Variants in NUDT3 observed in about 807,000 individuals in gnomAD.
The protein encoded by NUDT3 is diphosphoinositol polyphosphate phosphohydrolase 1.
Under a neutral mutation model 23.6 loss-of-function variants are expected in NUDT3, and 9 were observed. The observed-to-expected ratio is 0.38, with a 90% confidence interval of 0.23 to 0.66. The LOEUF (loss-of-function observed/expected upper bound fraction) is 0.66, where lower values mean the gene tolerates loss of function less well. Among genes scored for constraint, NUDT3 ranks in the 30% least tolerant of loss-of-function variants. The pLI is 0.52. For missense variants in NUDT3, 172 were observed against 218.5 expected, an observed-to-expected ratio of 0.79 and a Z score of 1.34; for synonymous variants, 86 against 82.6, an observed-to-expected ratio of 1.04 and a Z score of -0.22.
intron 1 of NUDT3, among the ~76,000 whole-genome samples, chr6:34,357,481 G>A (rs1400601654): frequency 6.6e-6 from 1 of 151,950 alleles, no homozygotes; most frequent in African/African-American, 2.4e-5. Context: ...GCATGGTAGT[G>A]AGCACCTGTA....
intron 2 of NUDT3, among the ~76,000 whole-genome samples, chr6:34,301,958 T>C (rs1395047669): frequency 6.6e-6 from 1 of 152,214 alleles, no homozygotes; most frequent in African/African-American, 2.4e-5. Flanking sequence ...TCAGATTTCC[T>C]CTTAGGGGCA....
Position 34,392,332 on chromosome 6 carries a change from T to TGC in NUDT3, c.29_30dup (p.Thr11AlafsTer28). On this transcript the variant is annotated frameshift_variant, in exon 1 of 5. Coordinates refer to ENST00000607016, the MANE Select transcript of NUDT3 (RefSeq NM_006703.4). LOFTEE classifies it high-confidence loss of function. ...TTCTTGTAGCCGTCGCCGTCGTAGG[T>TGC]GCGGGTCTGGTTCGACTTGAGCTTC... 1 of 1,606,148 alleles carries TGC rather than the reference T, an allele frequency of 6.2e-7. No individual in the cohort carries two copies. Among genetic ancestry groups the TGC allele is most frequent in the Non-Finnish European group, 8.5e-7 (1 of 1,177,404 alleles).
chr6:34,289,048 C>T (rs1763377964), intron 4 of NUDT3, 117 bp from the exon 5 acceptor site: 1 of 1,286,952 alleles, frequency 7.8e-7, no homozygotes, highest in South Asian at 1.7e-5. Flanking sequence ...TTTTTCCTTA[C>T]AAAAATAACT....
chr6:34,335,205 T>A (rs1015045539), intron 2 of NUDT3, among the ~76,000 whole-genome samples: 2 of 152,152 alleles, frequency 1.3e-5, no homozygotes, highest in South Asian at 4.1e-4. Flanking sequence ...ATTTGCTATG[T>A]TGATTCATGC....
At chr6:34,305,879 A>G (rs1285415713) in intron 2 of NUDT3, among the ~76,000 whole-genome samples, 1 of 152,184 alleles carries the variant, frequency 6.6e-6, no homozygotes, top group Admixed American at 6.6e-5. Flanking sequence ...CTATCAGAGT[A>G]TATACAGTCT....
intron 2 of NUDT3, among the ~76,000 whole-genome samples, chr6:34,313,009 C>T (rs1257953392): frequency 6.6e-6 from 1 of 151,646 alleles, no homozygotes; most frequent in Non-Finnish European, 1.5e-5. Flanking sequence ...TCTACTAAAA[C>T]TACAAAAATT....
At chr6:34,357,543 G>A (rs554309769) in intron 1 of NUDT3, among the ~76,000 whole-genome samples, 2 of 152,006 alleles carry the variant, frequency 1.3e-5, no homozygotes, top group Admixed American at 6.5e-5. Flanking sequence ...GAGCCTGGGA[G>A]GCTGAGGCTG....
intron 2 of NUDT3, among the ~76,000 whole-genome samples, chr6:34,318,711 T>A (rs1763896471): frequency 6.6e-6 from 1 of 151,792 alleles, no homozygotes; most frequent in South Asian, 2.1e-4. Flanking sequence ...GAACCTCTTG[T>A]ACATGTTTCT....
chr6:34,377,092 C>T (rs1446772316), intron 1 of NUDT3, among the ~76,000 whole-genome samples: 3 of 152,130 alleles, frequency 2.0e-5, no homozygotes, highest in Admixed American at 6.5e-5. Context: ...TGAAGCACTC[C>T]GGAAGCACAG....
chr6:34,334,029 G>A (rs1041443691), intron 2 of NUDT3, among the ~76,000 whole-genome samples: 7 of 152,244 alleles, frequency 4.6e-5, no homozygotes, highest in South Asian at 4.1e-4. Context: ...GAGGGGGGCT[G>A]AGCCATTGGC....
At chr6:34,364,207 T>C (rs963769597) in intron 1 of NUDT3, among the ~76,000 whole-genome samples, 3 of 152,198 alleles carry the variant, frequency 2.0e-5, no homozygotes, top group Non-Finnish European at 4.4e-5. Context: ...TGTAACATGA[T>C]TGTAAAAAGT....
At chr6:34,302,857 T>C (rs941272706) in intron 2 of NUDT3, among the ~76,000 whole-genome samples, 95 of 152,380 alleles carry the variant, frequency 6.2e-4, no homozygotes, top group African/African-American at 2.1e-3. Flanking sequence ...TATTTCCAAA[T>C]AGCCAATGGT....
At chr6:34,339,278 A>G (rs1186027953) in intron 2 of NUDT3, among the ~76,000 whole-genome samples, 1 of 152,210 alleles carries the variant, frequency 6.6e-6, no homozygotes, top group Non-Finnish European at 1.5e-5. Context: ...ACCTGAGTTT[A>G]GGAAAAGTGC....
chr6:34,383,440 T>C (rs1413005211), intron 1 of NUDT3, among the ~76,000 whole-genome samples: 1 of 152,140 alleles, frequency 6.6e-6, no homozygotes, highest in African/African-American at 2.4e-5. Context: ...CAGGCTGGAG[T>C]GCAGTGATGC....
intron 2 of NUDT3, among the ~76,000 whole-genome samples, chr6:34,321,421 G>C (rs567933078): frequency 6.6e-6 from 1 of 152,126 alleles, no homozygotes; most frequent in Admixed American, 6.5e-5. Context: ...CTGGGCAACA[G>C]AGCGAGACTC....
At chr6:34,356,609 T>C (rs1764564816) in intron 1 of NUDT3, among the ~76,000 whole-genome samples, 1 of 152,138 alleles carries the variant, frequency 6.6e-6, no homozygotes, top group Admixed American at 6.5e-5. Context: ...CATGAGTTTA[T>C]ACTAATAATT....
At chr6:34,318,181 T>A (rs983618512) in intron 2 of NUDT3, among the ~76,000 whole-genome samples, 8 of 152,168 alleles carry the variant, frequency 5.3e-5, no homozygotes, top group Admixed American at 6.5e-5. Flanking sequence ...CTCAAATATA[T>A]CCCTTTAGAA....
intron 1 of NUDT3, among the ~76,000 whole-genome samples, chr6:34,390,521 T>C (rs780022010): frequency 6.6e-6 from 1 of 152,032 alleles, no homozygotes; most frequent in African/African-American, 2.4e-5. Context: ...CTATTTCTAG[T>C]ATGATTTATT....
At chr6:34,324,026 T>C (rs746574736) in intron 2 of NUDT3, among the ~76,000 whole-genome samples, 71 of 152,274 alleles carry the variant, frequency 4.7e-4, no homozygotes, top group Non-Finnish European at 7.9e-4. Context: ...AATACACTAA[T>C]AGCATCACTA....
Sources: allele counts gnomAD v4.1 joint callset (sites outside exome capture counted in the v4.1 genomes callset), GRCh38; gene constraint gnomAD v4.1.1; transcripts MANE v1.5; gene names NCBI Gene and HGNC (gene_info 2026-07-23, HGNC 2026-07-21).